SUPT20H: variants seen among roughly 807,000 people sequenced by gnomAD.
The protein encoded by SUPT20H is transcription factor SPT20 homolog.
Under a neutral mutation model 122.8 loss-of-function variants are expected in SUPT20H, and 82 were observed. The observed-to-expected ratio is 0.67, with a 90% CI of 0.56 to 0.80. The LOEUF is 0.80. SUPT20H is among the 30% of genes least tolerant of loss of function. SUPT20H has a pLI of 0.00. For synonymous variants in SUPT20H, 291 were observed against 313.0 expected (o/e 0.93, Z 0.74); for missense variants, 831 against 921.6 (o/e 0.90, Z 1.27).
intron 15 of SUPT20H, 30 bp downstream of exon 15, chr13:37,026,760 A>G: frequency 7.9e-7 from 1 of 1,264,900 alleles, no homozygotes; most frequent in Non-Finnish European, 1.1e-6. Flanking sequence ...TAATTTCTTA[A>G]CAGATTAAAA....
chr13:37,053,857 T>G (rs973219151), intron 1 of SUPT20H, among the ~76,000 whole-genome samples: 2 of 152,068 alleles, frequency 1.3e-5, no homozygotes, highest in African/African-American at 2.4e-5. Flanking sequence ...TCAACAAAAT[T>G]GATAGACTGC....
intron 7 of SUPT20H, 42 bp downstream of exon 7, chr13:37,044,036 T>C (rs1487823444): frequency 4.7e-6 from 6 of 1,277,514 alleles, no homozygotes; most frequent in Non-Finnish European, 5.6e-6. Context: ...ATCATATACA[T>C]ATAACAAATA....
intron 9 of SUPT20H, among the ~76,000 whole-genome samples, chr13:37,037,059 T>G (rs536659266): frequency 3.9e-5 from 6 of 152,024 alleles, no homozygotes; most frequent in Non-Finnish European, 7.4e-5. Context: ...TAGCTGGGCA[T>G]GGTGGCATGC....
At chr13:37,026,143 A>G (rs1430519221) in intron 16 of SUPT20H, 61 bp downstream of exon 16, 3 of 1,415,170 alleles carry the variant, frequency 2.1e-6, no homozygotes, top group Admixed American at 2.1e-5. Flanking sequence ...TCTCTATCCT[A>G]TAAGGGTGAA....
chr13:37,036,914 G>A (rs1004986835), intron 9 of SUPT20H, among the ~76,000 whole-genome samples: 1 of 151,854 alleles, frequency 6.6e-6, no homozygotes. Flanking sequence ...CATGTTAATC[G>A]CCAGGCATGG....
intron 10 of SUPT20H, 122 bp downstream of exon 10, chr13:37,033,319 AGAGAGACC>A: frequency 8.8e-7 from 1 of 1,136,750 alleles, no homozygotes; most frequent in Non-Finnish European, 1.2e-6. Flanking sequence ...TGGGCAACAA[AGAGAGACC>A]TCATCTCTAC....
In SUPT20H at chr13:37,025,343, C is replaced by T. The variant is rs777775355; in HGVS notation, c.1306G>A (p.Val436Ile). 3.1e-6 allele frequency: 5 copies of T among 1,613,638 alleles called. No homozygotes were observed. The highest frequency in any genetic ancestry group is 3.3e-4 in the Middle Eastern group (2 of 6,082). The stretch of plus-strand genomic sequence containing the variant: ...ACATCTGTTTCTTTCCCTGGAGAAA[C>T]CTGACTCAGACTGGCTGAGCCACTG... ...SSSGSASLSQ[V>I]SPGKETDQTE... is the part of the protein sequence containing the mutation. The change falls in exon 17 of 26, where the codon GTT (valine) becomes ATT (isoleucine). Residue 436 changes from valine (V) to isoleucine (I), a missense_variant. Coordinates refer to ENST00000350612, the MANE Select transcript of SUPT20H (RefSeq NM_001014286.3).
chr13:37,057,936 T>G (rs557103119), intron 1 of SUPT20H, among the ~76,000 whole-genome samples: 1 of 137,228 alleles, frequency 7.3e-6, no homozygotes, highest in South Asian at 2.3e-4. Flanking sequence ...ATCGCGCCAC[T>G]GCACTGCAGC....
Position 37,024,326 on chromosome 13 carries a change from A to G in SUPT20H, c.1432+14T>C. On this transcript the variant is annotated intron_variant, in intron 18 of 25. Transcript: ENST00000350612. ...TTGTTATTCTAGACTGCAAAAAACT[A>G]AGAAATGTAATACCTGAGGAACTAT... 1 of 1,557,320 alleles carries G rather than the reference A, an allele frequency of 6.4e-7. No individual in the cohort carries two copies. The highest frequency in any genetic ancestry group is 8.6e-7 in the Non-Finnish European group (1 of 1,157,518).
chr13:37,041,214 A>C (rs1187748363), intron 7 of SUPT20H, among the ~76,000 whole-genome samples: 1 of 152,258 alleles, frequency 6.6e-6, no homozygotes, highest in Admixed American at 6.5e-5. Context: ...TAAATATAAA[A>C]TTCAAATGAA....
chr13:37,035,484 T>C (rs1039026397), intron 9 of SUPT20H, among the ~76,000 whole-genome samples: 4 of 151,548 alleles, frequency 2.6e-5, no homozygotes, highest in African/African-American at 9.7e-5. Flanking sequence ...TGATCAAACT[T>C]GAATGGATGA....
At chr13:37,049,043 A>G (rs2067077317) in intron 2 of SUPT20H, among the ~76,000 whole-genome samples, 1 of 152,174 alleles carries the variant, frequency 6.6e-6, no homozygotes, top group African/African-American at 2.4e-5. Flanking sequence ...AGAAATTGCT[A>G]ATATATTAAT....
At chr13:37,028,875 G>C (rs2062788449) in intron 13 of SUPT20H, among the ~76,000 whole-genome samples, 1 of 151,230 alleles carries the variant, frequency 6.6e-6, no homozygotes, top group Non-Finnish European at 1.5e-5. Context: ...CTCTGGGAAT[G>C]AGAGTTTAAA....
In SUPT20H at chr13:37,025,353, A is replaced by T; in HGVS notation, c.1296T>A (p.Ser432Arg). ...KMSHSSSGSA[S>R]LSQVSPGKET... ...CTTTCCCTGGAGAAACCTGACTCAG[A>T]CTGGCTGAGCCACTGGAGCTGTGTG... Residue 432 changes from serine (S) to arginine (R), a missense_variant, in exon 17 of 26, where the codon AGT (serine) becomes AGA (arginine). By Grantham distance (110) the Ser-to-Arg change is moderately radical. Transcript: ENST00000350612. The T allele has an allele frequency of 6.2e-7, 1 of 1,613,900 alleles. No individual in the cohort carries two copies. Among genetic ancestry groups the T allele is most frequent in the Non-Finnish European group, 8.5e-7 (1 of 1,179,808 alleles).
chr13:37,038,077 C>G (rs1414028917), intron 9 of SUPT20H: 2 of 149,264 alleles, frequency 1.3e-5, no homozygotes, highest in East Asian at 4.0e-4. Flanking sequence ...GGTACTATTA[C>G]TACTGTTGTG....
In SUPT20H at chr13:37,019,280, C is replaced by T. The variant is rs74045176; in HGVS notation, c.1872+62G>A. 8,751 of 1,282,066 alleles carry T rather than the reference C, an allele frequency of 6.8e-3. 348 individuals carry two copies. In the African/African-American group the frequency reaches 0.1, roughly 15 times the overall value. 79.4% of individuals were successfully genotyped at this position (1,282,066 alleles called of 1,614,324 possible). On this transcript the variant is annotated intron_variant, in intron 22 of 25. Transcript: ENST00000350612. Reference sequence around the variant, plus strand: ...TCAAGTGCTGATACATATAGATATACATTGTTTAGAAAAAAAGTCAATGTA... The same window carrying T: ...TCAAGTGCTGATACATATAGATATATATTGTTTAGAAAAAAAGTCAATGTA...
intron 1 of SUPT20H, among the ~76,000 whole-genome samples, chr13:37,051,991 T>C (rs2067826230): frequency 6.6e-6 from 1 of 152,150 alleles, no homozygotes; most frequent in South Asian, 2.1e-4. Flanking sequence ...ATCACAGATA[T>C]AATCATGTCT....
At chr13:37,023,827 C>G in intron 19 of SUPT20H, 1 of 450,048 alleles carries the variant, frequency 2.2e-6, no homozygotes, top group Admixed American at 4.0e-5. Flanking sequence ...AGAATGTATA[C>G]ACAGATACAG....
chr13:37,030,654 G>T (rs746322876), intron 12 of SUPT20H, among the ~76,000 whole-genome samples: 2 of 152,162 alleles, frequency 1.3e-5, no homozygotes, highest in Non-Finnish European at 2.9e-5. Flanking sequence ...GACTTGCTGA[G>T]TAGCAACCTA....
Sources: allele counts gnomAD v4.1 joint callset (sites outside exome capture counted in the v4.1 genomes callset), GRCh38; gene constraint gnomAD v4.1.1; transcripts MANE v1.5; gene names NCBI Gene and HGNC (gene_info 2026-07-23, HGNC 2026-07-21).